The following ADAM18 variants were observed in gnomAD, a reference collection of about 807,000 sequenced individuals.
ADAM18 encodes disintegrin and metalloproteinase domain-containing protein 18.
In ADAM18, 117 loss-of-function variants were observed where a neutral mutation model predicts 94.4. The observed-to-expected ratio is 1.24, with a 90% CI of 1.07 to 1.45. The LOEUF (loss-of-function observed/expected upper bound fraction) is 1.45. Ranked by LOEUF, ADAM18 falls within the 40% of genes most tolerant of loss-of-function variation. ADAM18 has a pLI of 0.00. For synonymous variants in ADAM18, 327 were observed against 291.6 expected, an observed-to-expected ratio of 1.12 and a Z score of -1.24; for missense variants, 936 against 880.0, an observed-to-expected ratio of 1.06 and a Z score of -0.81.
chr8:39,625,107 G>T (rs1022399276), intron 6 of ADAM18, among the ~76,000 whole-genome samples: 12 of 152,236 alleles, frequency 7.9e-5, no homozygotes, highest in African/African-American at 2.9e-4. Context: ...GATAGGAATT[G>T]CTTGAATATG....
chr8:39,712,041 C>T (rs1052938957), intron 18 of ADAM18, among the ~76,000 whole-genome samples: 77 of 144,070 alleles, frequency 5.3e-4, no homozygotes, highest in African/African-American at 1.6e-3. Flanking sequence ...GGCCCCCCCC[C>T]GAGAAAAAAA....
chr8:39,716,320 A>T (rs1192024632), intron 18 of ADAM18, among the ~76,000 whole-genome samples: 1 of 151,850 alleles, frequency 6.6e-6, no homozygotes, highest in East Asian at 1.9e-4. Context: ...CTCATTTTTT[A>T]AAATGCAAGT....
chr8:39,699,128 G>T (rs1180570830), intron 17 of ADAM18, among the ~76,000 whole-genome samples: 1 of 151,950 alleles, frequency 6.6e-6, no homozygotes. Flanking sequence ...ACTTCTAAAT[G>T]TGCCAAATTG....
At chr8:39,685,262 T>G (rs912283670) in intron 16 of ADAM18, 3 of 152,286 alleles carry the variant, frequency 2.0e-5, no homozygotes, top group Non-Finnish European at 2.9e-5. Context: ...GATGGCACCA[T>G]GGAGACACCC....
intron 16 of ADAM18, among the ~76,000 whole-genome samples, chr8:39,683,436 C>T (rs1010045513): frequency 6.6e-6 from 1 of 152,200 alleles, no homozygotes; most frequent in Non-Finnish European, 1.5e-5. Flanking sequence ...AGATAAACTT[C>T]TAAGAGTGCA....
intron 18 of ADAM18, among the ~76,000 whole-genome samples, chr8:39,711,337 TCAACAA>T (rs1186425400): frequency 1.3e-5 from 2 of 152,136 alleles, no homozygotes; most frequent in African/African-American, 4.8e-5. Context: ...TAGCCAATTT[TCAACAA>T]CAATGAAAAT....
At chr8:39,728,601 A>G (rs1361715087) in intron 19 of ADAM18, among the ~76,000 whole-genome samples, 1 of 152,216 alleles carries the variant, frequency 6.6e-6, no homozygotes, top group Non-Finnish European at 1.5e-5. Context: ...ATGACATACA[A>G]CATATATCAC....
At chr8:39,726,176 C>G (rs142471341) in intron 19 of ADAM18, among the ~76,000 whole-genome samples, 120 of 151,270 alleles carry the variant, frequency 7.9e-4, no homozygotes, top group African/African-American at 2.8e-3. Context: ...TGTATGTATT[C>G]TTGAAGAAAT....
intron 14 of ADAM18, among the ~76,000 whole-genome samples, chr8:39,671,123 C>G (rs1408713675): frequency 6.6e-6 from 1 of 152,176 alleles, no homozygotes; most frequent in East Asian, 1.9e-4. Context: ...CCTAGATGTC[C>G]CAACTACTAA....
intron 6 of ADAM18, 112 bp from the exon 7 acceptor site, chr8:39,629,262 A>G (rs1819863692): frequency 1.4e-6 from 1 of 703,082 alleles, no homozygotes. Flanking sequence ...TTTATACTTA[A>G]GTCCTCATGA....
chr8:39,601,808 C>A (rs1000863449), intron 2 of ADAM18, among the ~76,000 whole-genome samples: 1 of 151,922 alleles, frequency 6.6e-6, no homozygotes, highest in Non-Finnish European at 1.5e-5. Context: ...ATCTGTATAC[C>A]CATTAAATAC....
chr8:39,636,486 TA>T lies in ADAM18; in HGVS notation c.589-777del, dbSNP rs545891985. Among the ~76,000 whole-genome samples, 403 of 152,302 alleles carry T rather than the reference TA, an allele frequency of 2.6e-3. 1 individual carries two copies. Among genetic ancestry groups the T allele is most frequent in the Non-Finnish European group, 4.6e-3 (315 of 68,014 alleles). ...TGACATCAGTACTTTCATACTTTAT[TA>T]TCATCCTTTGATATTATAATCCTCT... is the stretch of plus-strand genomic sequence containing the variant. On this transcript the variant is annotated intron_variant, in intron 7 of 19. Coordinates refer to ENST00000265707, the MANE Select transcript of ADAM18 (RefSeq NM_014237.3).
At chr8:39,647,466 G>A (rs897309937) in intron 11 of ADAM18, among the ~76,000 whole-genome samples, 2 of 152,132 alleles carry the variant, frequency 1.3e-5, no homozygotes, top group African/African-American at 2.4e-5. Context: ...GTTTTATACC[G>A]AGACATTCAG....
intron 18 of ADAM18, among the ~76,000 whole-genome samples, chr8:39,714,316 C>T (rs1435221259): frequency 1.3e-5 from 2 of 152,042 alleles, no homozygotes; most frequent in African/African-American, 2.4e-5. Flanking sequence ...TGAGGGATAG[C>T]ATTAGGAGAA....
At chr8:39,612,866 A>G (rs1051116243) in intron 6 of ADAM18, among the ~76,000 whole-genome samples, 3 of 152,094 alleles carry the variant, frequency 2.0e-5, no homozygotes, top group African/African-American at 7.2e-5. Flanking sequence ...GCCAACATGC[A>G]TGTGCTAATA....
chr8:39,619,573 AC>A (rs141643159), intron 6 of ADAM18, among the ~76,000 whole-genome samples: 52,039 of 151,956 alleles, frequency 0.34, 9,986 homozygotes, highest in Non-Finnish European at 0.43. Context: ...ACATAAAAAA[AC>A]AGTATCATTT....
chr8:39,656,380 G>C lies in ADAM18; in HGVS notation c.1231-7415G>C, dbSNP rs559314559. Reference sequence around the variant, plus strand: ...GTGACAAAAAGGACAGAGGAATGCAGTGTAGAAAGGATGCCTTTACAAAAA... The same window carrying C: ...GTGACAAAAAGGACAGAGGAATGCACTGTAGAAAGGATGCCTTTACAAAAA... On this transcript the variant is annotated intron_variant, in intron 12 of 19. Coordinates refer to ENST00000265707, the MANE Select transcript of ADAM18 (RefSeq NM_014237.3). Among the ~76,000 whole-genome samples the C allele has an allele frequency of 4.6e-5, 7 of 152,242 alleles. No homozygotes were observed. In the East Asian group the frequency reaches 1.3e-3, roughly 29 times the overall value.
At chr8:39,674,633 A>G (rs1302056160) in intron 14 of ADAM18, among the ~76,000 whole-genome samples, 1 of 152,140 alleles carries the variant, frequency 6.6e-6, no homozygotes, top group Non-Finnish European at 1.5e-5. Context: ...TTTAAGGTTA[A>G]TATTGTTATG....
chr8:39,638,742 A>C (rs1434625603), intron 10 of ADAM18, among the ~76,000 whole-genome samples, 196 bp downstream of exon 10: 1 of 151,922 alleles, frequency 6.6e-6, no homozygotes, highest in East Asian at 1.9e-4. Context: ...AACACAAAGA[A>C]TATTATGTGA....
Sources: gnomAD v4.1 joint callset for allele counts (sites outside exome capture counted in the v4.1 genomes callset) on GRCh38, gnomAD v4.1.1 for gene constraint, MANE v1.5 for transcripts, NCBI Gene and HGNC (gene_info 2026-07-23, HGNC 2026-07-21) for gene names.